CD84: variants seen among roughly 807,000 people sequenced by gnomAD.
CD84 encodes CD84 molecule, also known as SLAM family member 5.
CD84 carries 22 observed loss-of-function variants against 33.8 expected under a neutral mutation model. The ratio of observed to expected loss-of-function variants is 0.65; its 90% CI spans 0.46 to 0.93. The LOEUF is 0.93. Ranked by LOEUF, CD84 falls within the 40% of genes least tolerant of loss-of-function variation. CD84 has a pLI of 0.00. For missense variants in CD84, 400 were observed against 397.6 expected (o/e 1.01, Z -0.05); for synonymous variants, 154 against 145.2 (o/e 1.06, Z -0.44).
intron 2 of CD84, 87 bp downstream of exon 2, chr1:160,565,317 C>A (rs1657250533): frequency 1.1e-6 from 1 of 943,506 alleles, no homozygotes; most frequent in Admixed American, 2.4e-5. Context: ...TTTAGGGGAC[C>A]CAATTATCAG....
chr1:160,579,338 AT>A, intron 1 of CD84, 53 bp downstream of exon 1: 1 of 1,612,114 alleles, frequency 6.2e-7, no homozygotes, highest in Admixed American at 1.7e-5. Context: ...CTTAAGGGCA[AT>A]TTTTAAAACT....
At chr1:160,559,638 C>T (rs1656825836) in intron 2 of CD84, among the ~76,000 whole-genome samples, 2 of 152,138 alleles carry the variant, frequency 1.3e-5, no homozygotes, top group Admixed American at 1.3e-4. Context: ...ACAACACTAA[C>T]CTTAAGTGTA....
In CD84 at chr1:160,546,786, T is replaced by C. The variant is rs544587939; in HGVS notation, c.*1470A>G. 2.5e-4 allele frequency: 56 copies of C among 222,070 alleles called. No individual in the cohort carries two copies. Among genetic ancestry groups the C allele is most frequent in the African/African-American group, 1.2e-3 (52 of 44,310 alleles). 13.8% of individuals were successfully genotyped at this position (222,070 alleles called of 1,614,324 possible). On this transcript the variant is annotated 3_prime_UTR_variant, in exon 7 of 7. Transcript: ENST00000368054. ...CTTGCAGCTGCAGTTCAGCGTTAAC[T>C]GTAGTGTCTGTGCTGGAATTGTCTC...
In CD84 at chr1:160,557,021, A is replaced by AT. The variant is rs200358958; in HGVS notation, c.389-2876dup. Among the ~76,000 whole-genome samples, 59 of 152,128 alleles carry AT rather than the reference A, an allele frequency of 3.9e-4. 1 individual carries two copies. The highest frequency in any genetic ancestry group is 1.1e-3 in the African/African-American group (47 of 41,478). The stretch of plus-strand genomic sequence containing the variant: ...CATCTAGGAAGTCCTTCATAATGAG[A>AT]TTTTTTTTAAGGGATAAGGATTAAA... On this transcript the variant is annotated intron_variant, in intron 2 of 6. Coordinates refer to ENST00000368054, the MANE Select transcript of CD84 (RefSeq NM_003874.4).
intron 2 of CD84, among the ~76,000 whole-genome samples, chr1:160,559,904 T>A (rs1337922938): frequency 2.0e-5 from 3 of 151,944 alleles, no homozygotes; most frequent in Non-Finnish European, 4.4e-5. Flanking sequence ...ATGATGGTAA[T>A]GGGTAACTAC....
At position 160,541,653 on chromosome 1, in the gene CD84, C is replaced by A. The variant is rs1231056268; in HGVS notation, c.*6603G>T. The A allele has an allele frequency of 6.6e-6, 1 of 152,192 alleles. No individual in the cohort carries two copies. The highest frequency in any genetic ancestry group is 6.6e-5 in the Admixed American group (1 of 15,260). 9.4% of individuals were successfully genotyped at this position (152,192 alleles called of 1,614,324 possible). A position where few individuals can be genotyped will look rare whatever the true frequency, so the allele number is the denominator to read the frequency against. ...AGAAGGGCATCCCAGACAACATGGG[C>A]AAAGGCATGGGAGGATTTGGTGGGT... On this transcript the variant is annotated 3_prime_UTR_variant, in exon 7 of 7. Coordinates refer to ENST00000368054, the MANE Select transcript of CD84 (RefSeq NM_003874.4).
At chr1:160,555,930 A>G (rs1451197823) in intron 2 of CD84, among the ~76,000 whole-genome samples, 2 of 152,230 alleles carry the variant, frequency 1.3e-5, no homozygotes, top group African/African-American at 4.8e-5. Context: ...GATCTATTCC[A>G]TATTAGAATT....
In CD84 at chr1:160,541,458, A is replaced by T. The variant is rs1464523720; in HGVS notation, c.*6798T>A. 1 of 152,240 alleles carries T rather than the reference A, an allele frequency of 6.6e-6. No homozygotes were observed. Among genetic ancestry groups the T allele is most frequent in the Non-Finnish European group, 1.5e-5 (1 of 68,034 alleles). The allele number at this position is 152,240 out of a possible 1,614,324, so 9.4% of individuals were successfully genotyped here. ...GTTGGAGAGAGAGCTAAGAAATACC[A>T]TATCTATATAATTATCAGAGAATGT... On this transcript the variant is annotated 3_prime_UTR_variant, in exon 7 of 7. Transcript: ENST00000368054.
chr1:160,543,142 G>C lies in CD84; in HGVS notation c.*5114C>G, dbSNP rs1037340095. ...TGGGCATTTTCAGCAGGAAAGTTGAGTGGTTATCCAGATAGCAATGGAATT... is the reference window on the plus strand; with the variant it reads ...TGGGCATTTTCAGCAGGAAAGTTGACTGGTTATCCAGATAGCAATGGAATT... On this transcript the variant is annotated 3_prime_UTR_variant, in exon 7 of 7. Coordinates refer to ENST00000368054, the MANE Select transcript of CD84 (RefSeq NM_003874.4). The C allele has an allele frequency of 1.3e-5, 2 of 152,176 alleles. No homozygotes were observed. The highest frequency in any genetic ancestry group is 4.8e-5 in the African/African-American group (2 of 41,436). The allele number at this position is 152,176 out of a possible 1,614,324, so 9.4% of individuals were successfully genotyped here.
chr1:160,550,908 C>G, intron 5 of CD84, 30 bp downstream of exon 5: 1 of 1,610,452 alleles, frequency 6.2e-7, no homozygotes, highest in Non-Finnish European at 8.5e-7. Context: ...GATGGTGGCA[C>G]AGGGGTGTCC....
At chr1:160,579,188 T>C (rs893069558) in intron 1 of CD84, among the ~76,000 whole-genome samples, 1 of 152,256 alleles carries the variant, frequency 6.6e-6, no homozygotes, top group Admixed American at 6.5e-5. Flanking sequence ...CTCAGTAATA[T>C]AAACTTTAAA....
At chr1:160,566,564 C>G (rs1197043739) in intron 1 of CD84, among the ~76,000 whole-genome samples, 1 of 152,154 alleles carries the variant, frequency 6.6e-6, no homozygotes, top group Non-Finnish European at 1.5e-5. Flanking sequence ...TGTTGGACAT[C>G]TACTCTTTTA....
chr1:160,541,137 G>C lies in CD84; in HGVS notation c.*7119C>G, dbSNP rs1655522542. On this transcript the variant is annotated 3_prime_UTR_variant, in exon 7 of 7. Transcript: ENST00000368054. Reference sequence around the variant, plus strand: ...ATATTTATTGTGTCCTGCTGAAATGGAGCTTGTAGTCTCATTTCTTAGGCA... The same window carrying C: ...ATATTTATTGTGTCCTGCTGAAATGCAGCTTGTAGTCTCATTTCTTAGGCA... The C allele has an allele frequency of 6.6e-6, 1 of 152,156 alleles. No individual in the cohort carries two copies. The allele number at this position is 152,156 out of a possible 1,614,324, so 9.4% of individuals were successfully genotyped here. A position where few individuals can be genotyped will look rare whatever the true frequency, so the allele number is the denominator to read the frequency against.
In CD84 at chr1:160,546,916, A is replaced by G. The variant is rs1655862172; in HGVS notation, c.*1340T>C. 3 of 387,958 alleles carry G rather than the reference A, an allele frequency of 7.7e-6. No homozygotes were observed. The highest frequency in any genetic ancestry group is 2.9e-4 in the South Asian group (2 of 6,942). 24.0% of individuals were successfully genotyped at this position (387,958 alleles called of 1,614,324 possible). ...TGGTGCTAGATGAGTCTATGGATTC[A>G]TTTACTGGGACTGATGTCTTTATCT... On this transcript the variant is annotated 3_prime_UTR_variant, in exon 7 of 7. Coordinates refer to ENST00000368054, the MANE Select transcript of CD84 (RefSeq NM_003874.4).
At position 160,545,143 on chromosome 1, in the gene CD84, A is replaced by G. The variant is rs1655750590; in HGVS notation, c.*3113T>C. On this transcript the variant is annotated 3_prime_UTR_variant, in exon 7 of 7. Transcript: ENST00000368054. ...AGAAACTGAGAGGAGAGACAAGAGT[A>G]GGGTGTCCTGAGTCCAAAGGCTACC... 1 of 152,262 alleles carries G rather than the reference A, an allele frequency of 6.6e-6. No homozygotes were observed. The highest frequency in any genetic ancestry group is 6.5e-5 in the Admixed American group (1 of 15,288). 9.4% of individuals were successfully genotyped at this position (152,262 alleles called of 1,614,324 possible).
intron 6 of CD84, among the ~76,000 whole-genome samples, chr1:160,549,337 C>T (rs1440403820): frequency 6.6e-6 from 1 of 152,130 alleles, no homozygotes; most frequent in East Asian, 1.9e-4. Flanking sequence ...GCAGTGAGGA[C>T]CTTCAGATAG....
At chr1:160,549,669 T>C (rs1189406771) in intron 6 of CD84, among the ~76,000 whole-genome samples, 1 of 152,114 alleles carries the variant, frequency 6.6e-6, no homozygotes, top group Non-Finnish European at 1.5e-5. Flanking sequence ...TTCAGAGGCA[T>C]AGGGACTTCT....
At chr1:160,578,008 GA>G (rs1230960126) in intron 1 of CD84, among the ~76,000 whole-genome samples, 1 of 152,130 alleles carries the variant, frequency 6.6e-6, no homozygotes, top group African/African-American at 2.4e-5. Context: ...AGCAATGAGT[GA>G]AGAGGTCAGG....
chr1:160,562,800 G>A (rs1657072161), intron 2 of CD84, among the ~76,000 whole-genome samples: 1 of 151,972 alleles, frequency 6.6e-6, no homozygotes. Context: ...CAGAATGGGA[G>A]AAAATTTTTC....
Sources: gnomAD v4.1 joint callset for allele counts (sites outside exome capture counted in the v4.1 genomes callset) on GRCh38, gnomAD v4.1.1 for gene constraint, MANE v1.5 for transcripts, NCBI Gene and HGNC (gene_info 2026-07-23, HGNC 2026-07-21) for gene names.